MYO1F: variants seen among roughly 807,000 people sequenced by gnomAD.
MYO1F encodes unconventional myosin-If.
A neutral mutation model predicts 146.6 loss-of-function variants in MYO1F; 60 were observed. That is an observed-to-expected ratio of 0.41 (90% CI 0.33 to 0.51). MYO1F has a LOEUF of 0.51. Among genes scored for constraint, MYO1F ranks in the 20% least tolerant of loss-of-function variants. The probability of loss-of-function intolerance (pLI) is 0.25; values close to 1 mark genes in which losing one functional copy is unlikely to be tolerated. For missense variants in MYO1F, 1,274 were observed against 1,534.3 expected, an observed-to-expected ratio of 0.83 and a Z score of 2.83; for synonymous variants, 602 against 602.1, an observed-to-expected ratio of 1.00 and a Z score of 0.00.
In MYO1F at chr19:8,545,970, C is replaced by T. The variant is rs150397640; in HGVS notation, c.1270-234G>A. Among the ~76,000 whole-genome samples, 275 of 152,136 alleles carry T rather than the reference C, an allele frequency of 1.8e-3. 3 individuals carry two copies. Among genetic ancestry groups the T allele is most frequent in the African/African-American group, 4.7e-3 (195 of 41,504 alleles). ...AAATACCCCAGCTCCCTCGCTTCTC[C>T]GCTCTATGAAGCCTCCTCGAGTCCC... On this transcript the variant is annotated intron_variant, in intron 12 of 27. Coordinates refer to ENST00000644032, the MANE Select transcript of MYO1F (RefSeq NM_012335.4).
At position 8,530,659 on chromosome 19, in the gene MYO1F, T is replaced by C; in HGVS notation, c.2044-86A>G. 1.8e-6 allele frequency: 2 copies of C among 1,085,438 alleles called. No homozygotes were observed. Among genetic ancestry groups the C allele is most frequent in the Non-Finnish European group, 2.8e-6 (2 of 714,416 alleles). 67.2% of individuals were successfully genotyped at this position (1,085,438 alleles called of 1,614,324 possible). ...CGGGTTTTCCCTGCGCTCACCCTACTCACACGCTTTTGCTCACCCATCCCC... is the reference window on the plus strand; with the variant it reads ...CGGGTTTTCCCTGCGCTCACCCTACCCACACGCTTTTGCTCACCCATCCCC... On this transcript the variant is annotated intron_variant, in intron 19 of 27. Transcript: ENST00000644032. This position sits in a 1 kb window ranked among gnomAD's most constrained non-coding sequence, Gnocchi z 5.8.
chr19:8,572,033 G>A (rs1317085338), intron 1 of MYO1F, among the ~76,000 whole-genome samples: 9 of 152,228 alleles, frequency 5.9e-5, no homozygotes, highest in Admixed American at 3.3e-4. Context: ...TTTATACGTG[G>A]GGACCCTTGT....
In MYO1F at chr19:8,551,822, G is replaced by A. The variant is rs570835103; in HGVS notation, c.689C>T (p.Pro230Leu). 3.7e-6 allele frequency: 6 copies of A among 1,613,954 alleles called. No individual in the cohort carries two copies. In the African/African-American group the frequency reaches 4.0e-5, roughly 11 times the overall value. The change falls in exon 8 of 28, where the codon CCG becomes CTG. Residue 230 changes from proline to leucine, a missense_variant. By Grantham distance (98) the Pro-to-Leu change is moderately conservative. Transcript: ENST00000644032. ...TTGGTTGAGGTAGTAATAGTAGTCC[G>A]GTGTCATGAGGCCCAGGTTCTGCCT... ...EQRQNLGLMTPDYYYYLNQSD... is the reference protein window; with the variant it reads ...EQRQNLGLMTLDYYYYLNQSD...
Position 8,554,694 on chromosome 19 carries a change from G to A in MYO1F, c.191C>T (p.Pro64Leu), listed in dbSNP as rs1187718129. Residue 64 changes from proline (P) to leucine (L), a missense_variant, in exon 3 of 28, where the codon CCC becomes CTC. By Grantham distance (98) the Pro-to-Leu change is moderately conservative. Around this residue, in one of 2 missense-constraint regions of MYO1F, gnomAD observed 900 missense variants for 1,155.1 expected, o/e 0.78. Coordinates refer to ENST00000644032, the MANE Select transcript of MYO1F (RefSeq NM_012335.4). ...LISVNPFKQM[P>L]YFTDREIDLY... Reference sequence around the variant, plus strand: ...GTCGATCTCACGGTCGGTGAAGTAGGGCATCTGCTTGAAGGGGTTTACAGA... The same window carrying A: ...GTCGATCTCACGGTCGGTGAAGTAGAGCATCTGCTTGAAGGGGTTTACAGA... 6.2e-7 allele frequency: 1 copy of A among 1,613,792 alleles called. No individual in the cohort carries two copies. The highest frequency in any genetic ancestry group is 1.3e-5 in the African/African-American group (1 of 74,824).
At chr19:8,532,715 G>A (rs141793513) in intron 19 of MYO1F, among the ~76,000 whole-genome samples, 12 of 151,938 alleles carry the variant, frequency 7.9e-5, no homozygotes, top group African/African-American at 2.7e-4. Flanking sequence ...GAAAGACCCC[G>A]TCTCTACAAA....
At chr19:8,573,382 C>T (rs1386580771) in intron 1 of MYO1F, among the ~76,000 whole-genome samples, 2 of 151,920 alleles carry the variant, frequency 1.3e-5, no homozygotes, top group Admixed American at 6.6e-5. Context: ...AACCAGTGAA[C>T]GTCTTCACTC....
At chr19:8,523,336 T>G (rs1972141794) in intron 25 of MYO1F, among the ~76,000 whole-genome samples, 1 of 151,836 alleles carries the variant, frequency 6.6e-6, no homozygotes, top group African/African-American at 2.4e-5. Context: ...CCTGGCCAAT[T>G]ATTTTTTACT....
At chr19:8,568,659 C>T (rs141195985) in intron 1 of MYO1F, among the ~76,000 whole-genome samples, 247 of 152,072 alleles carry the variant, frequency 1.6e-3, no homozygotes, top group African/African-American at 5.8e-3. Context: ...TGGTGGCTCA[C>T]GCCTGTAATC....
intron 19 of MYO1F, among the ~76,000 whole-genome samples, chr19:8,533,770 G>GT (rs1972590663): frequency 6.6e-6 from 1 of 152,186 alleles, no homozygotes; most frequent in African/African-American, 2.4e-5. Flanking sequence ...AAGCCATGGA[G>GT]TTTGTGGAAC....
At chr19:8,548,343 T>A in intron 10 of MYO1F, 26 bp from the exon 11 acceptor site, 1 of 1,606,608 alleles carries the variant, frequency 6.2e-7, no homozygotes. Context: ...GGACAGGAAG[T>A]CAGTGGGCAT....
rs952539849 is a variant in MYO1F at position 8,521,191 on chromosome 19, A to G, written c.*337T>C. ...CTTGTTAAGGACCCCCCCCTCCCCA[A>G]CTGTGCCTGGCACTTTGCCAACAGC... On this transcript the variant is annotated 3_prime_UTR_variant, in exon 28 of 28. Transcript: ENST00000644032. 2.5e-6 allele frequency: 1 copy of G among 397,308 alleles called. No homozygotes were observed. The highest frequency in any genetic ancestry group is 2.0e-5 in the African/African-American group (1 of 48,966). The allele number at this position is 397,308 out of a possible 1,614,324, so 24.6% of individuals were successfully genotyped here. A position where few individuals can be genotyped will look rare whatever the true frequency, so the allele number is the denominator to read the frequency against.
At position 8,577,403 on chromosome 19, in the gene MYO1F, G is replaced by A. The variant is rs1555734115; in HGVS notation, c.-94C>T. On this transcript the variant is annotated 5_prime_UTR_variant, in exon 1 of 28. Coordinates refer to ENST00000644032, the MANE Select transcript of MYO1F (RefSeq NM_012335.4). This position sits in a 1 kb window ranked among gnomAD's most constrained non-coding sequence, Gnocchi z 4.3. ...GGATCTTGGGGGTGGCTTGGGCATG[G>A]CCCTGCTTCTGCCCGTTCACCGGAC... 1.4e-6 allele frequency: 2 copies of A among 1,406,460 alleles called. No individual in the cohort carries two copies. The highest frequency in any genetic ancestry group is 1.2e-5 in the South Asian group (1 of 85,600). 87.1% of individuals were successfully genotyped at this position (1,406,460 alleles called of 1,614,324 possible).
At chr19:8,524,354 T>C (rs1053382569) in intron 25 of MYO1F, among the ~76,000 whole-genome samples, 4 of 148,366 alleles carry the variant, frequency 2.7e-5, no homozygotes, top group African/African-American at 1.0e-4. Context: ...AGGTGGAAAG[T>C]TGCAGTGCGC....
intron 19 of MYO1F, among the ~76,000 whole-genome samples, chr19:8,532,901 A>AAATAT (rs1172873322): frequency 1.0e-4 from 5 of 47,842 alleles, no homozygotes; most frequent in African/African-American, 5.4e-4. Context: ...AAAAAAAAAA[A>AAATAT]ATACACACAC....
chr19:8,550,125 C>T (rs768903358), intron 10 of MYO1F, 35 bp downstream of exon 10: 122 of 1,607,920 alleles, frequency 7.6e-5, no homozygotes, highest in Non-Finnish European at 1.0e-4. Flanking sequence ...GACCCCAGAG[C>T]ATCCACTCTG....
rs376037505 is a variant in MYO1F, at chr19:8,544,312, G to T, written c.1509C>A (p.His503Gln). The change falls in exon 14 of 28, where the codon CAC becomes CAA. Residue 503 changes from histidine (H) to glutamine (Q), a missense_variant. By Grantham distance (24) the His-to-Gln change is conservative. Transcript: ENST00000644032. ...GGGGGCGCACCTTGCCAGCGTAGTG[G>T]TGGATGACGAAGCCGGCGCTCCAGC... The part of the protein sequence containing the change: ...FNSWSAGFVI[H>Q]HYAGKVSYDV... The T allele has an allele frequency of 1.9e-6, 3 of 1,613,104 alleles. No individual in the cohort carries two copies. The highest frequency in any genetic ancestry group is 2.5e-6 in the Non-Finnish European group (3 of 1,179,862).
At chr19:8,567,057 A>AG (rs2042017549) in intron 1 of MYO1F, among the ~76,000 whole-genome samples, 1 of 146,176 alleles carries the variant, frequency 6.8e-6, no homozygotes, top group African/African-American at 2.6e-5. Flanking sequence ...CACTGGGTCC[A>AG]ATTTTTTTTT....
chr19:8,530,294 G>A lies in MYO1F; in HGVS notation c.2230C>T (p.Leu744=). ...AGCTCGGGCCGCTCCTCCAGCCCCA[G>A]GTAGTCCCCGACGAAGTTCCGATTG... ...SINRNFVGDY[L]GLEERPELRQ... Residue 744 remains leucine, a synonymous_variant, in exon 21 of 28, where the codon CTG becomes TTG. Transcript: ENST00000644032. The surrounding 1 kb of genome is among the most constrained non-coding windows in gnomAD (Gnocchi z 5.8). 1 of 1,614,160 alleles carries A rather than the reference G, an allele frequency of 6.2e-7. No homozygotes were observed. The highest frequency in any genetic ancestry group is 8.5e-7 in the Non-Finnish European group (1 of 1,180,034).
At chr19:8,543,639 G>GTGC (rs1973075265) in intron 14 of MYO1F, among the ~76,000 whole-genome samples, 1 of 147,464 alleles carries the variant, frequency 6.8e-6, no homozygotes. Context: ...AGGGAACACG[G>GTGC]TGGTGGTGGT....
Sources: allele counts gnomAD v4.1 joint callset (sites outside exome capture counted in the v4.1 genomes callset), GRCh38; gene constraint gnomAD v4.1.1; regional missense constraint gnomAD v4.1.1; non-coding constraint Gnocchi (gnomAD v3.1); transcripts MANE v1.5; gene names NCBI Gene and HGNC (gene_info 2026-07-23, HGNC 2026-07-21).